The following CNTNAP4 variants were observed in gnomAD, a reference collection of about 807,000 sequenced individuals.
The protein encoded by CNTNAP4 is contactin-associated protein-like 4.
Under a neutral mutation model 148.4 loss-of-function variants are expected in CNTNAP4, and 98 were observed. That is an observed-to-expected ratio of 0.66 (90% CI 0.56 to 0.78). CNTNAP4 has a LOEUF of 0.78. CNTNAP4 is among the 30% of genes least tolerant of loss of function. CNTNAP4 has a pLI of 0.00. For missense variants in CNTNAP4, 1,935 were observed against 1,565.6 expected, an observed-to-expected ratio of 1.24 and a Z score of -3.98; for synonymous variants, 730 against 565.1, an observed-to-expected ratio of 1.29 and a Z score of -4.14.
At chr16:76,432,400 T>C (rs905085711) in intron 4 of CNTNAP4, 1 of 152,192 alleles carries the variant, frequency 6.6e-6, no homozygotes, top group African/African-American at 2.4e-5. Context: ...AACTTGAAGT[T>C]GTTTCCTGAG....
intron 4 of CNTNAP4, among the ~76,000 whole-genome samples, chr16:76,442,978 G>T (rs1164483749): frequency 2.0e-5 from 3 of 152,042 alleles, no homozygotes; most frequent in Non-Finnish European, 4.4e-5. Flanking sequence ...GCTGAAAAGG[G>T]GGCTAGACTA....
chr16:76,516,530 C>T (rs749534342), intron 15 of CNTNAP4, among the ~76,000 whole-genome samples: 4 of 152,212 alleles, frequency 2.6e-5, no homozygotes, highest in Non-Finnish European at 5.9e-5. Flanking sequence ...TTGCAACTCT[C>T]ATACAATCCA....
intron 2 of CNTNAP4, among the ~76,000 whole-genome samples, chr16:76,343,524 A>T (rs1964658377): frequency 6.6e-6 from 1 of 152,188 alleles, no homozygotes; most frequent in Non-Finnish European, 1.5e-5. Flanking sequence ...AATAACTAGT[A>T]GCATGTAATC....
At chr16:76,540,043 G>A (rs559423805) in intron 20 of CNTNAP4, among the ~76,000 whole-genome samples, 191 bp downstream of exon 20, 4 of 152,056 alleles carry the variant, frequency 2.6e-5, no homozygotes, top group African/African-American at 9.6e-5. Flanking sequence ...TATTAACATC[G>A]GATACTTTAA....
chr16:76,425,030 C>A (rs1211676015), intron 3 of CNTNAP4, among the ~76,000 whole-genome samples: 1 of 152,118 alleles, frequency 6.6e-6, no homozygotes, highest in African/African-American at 2.4e-5. Flanking sequence ...TAGAAAACAG[C>A]TAACCTTTCT....
At chr16:76,293,134 T>C (rs112705285) in intron 1 of CNTNAP4, among the ~76,000 whole-genome samples, 2,281 of 152,148 alleles carry the variant, frequency 0.015, 63 homozygotes, top group Admixed American at 0.055. Context: ...TTCTTTCTTT[T>C]TTTTTTTCTT....
In CNTNAP4 at chr16:76,319,769, C is replaced by T. The variant is rs576265858; in HGVS notation, c.196+3246C>T. Among the ~76,000 whole-genome samples the T allele has an allele frequency of 1.5e-4, 23 of 152,204 alleles. No homozygotes were observed. The South Asian group carries it at 3.5e-3, about 23-fold the overall frequency. On this transcript the variant is annotated intron_variant, in intron 2 of 23. Coordinates refer to ENST00000611870, the MANE Select transcript of CNTNAP4 (RefSeq NM_033401.5). The stretch of plus-strand genomic sequence containing the variant: ...AATGCGAAGGATTGCCAGCAACCAT[C>T]AGAAGTTAGAAAGAAAGAAAGAGGG...
intron 3 of CNTNAP4, among the ~76,000 whole-genome samples, chr16:76,403,676 C>T (rs1245084933): frequency 1.3e-5 from 2 of 152,132 alleles, no homozygotes; most frequent in African/African-American, 4.8e-5. Context: ...CACCATTTGG[C>T]CCAACAATCC....
rs1307751831 is a variant in CNTNAP4 at position 76,539,832 on chromosome 16, G to A, written c.3334G>A (p.Glu1112Lys). 2 of 1,596,608 alleles carry A rather than the reference G, an allele frequency of 1.3e-6. No individual in the cohort carries two copies. Among genetic ancestry groups the A allele is most frequent in the African/African-American group, 1.4e-5 (1 of 73,778 alleles). The change falls in exon 20 of 24, where the codon GAA becomes AAA. Residue 1112 changes from glutamate to lysine, a missense_variant. Physicochemically the swap from Glu to Lys is moderately conservative, Grantham distance 56. Coordinates refer to ENST00000611870, the MANE Select transcript of CNTNAP4 (RefSeq NM_033401.5). The stretch of plus-strand genomic sequence containing the variant: ...TCACCACATAATGATTAACAGAGAA[G>A]AAGGAGTGGTCTTTATAGAGGTAAT... ...QLHHIMINRE[E>K]GVVFIEIDDN... is the part of the protein sequence containing the mutation.
intron 3 of CNTNAP4, among the ~76,000 whole-genome samples, chr16:76,382,415 C>T (rs2016072382): frequency 6.6e-6 from 1 of 152,098 alleles, no homozygotes; most frequent in African/African-American, 2.4e-5. Flanking sequence ...TTTCAATGAT[C>T]ACATCTTGCT....
rs369020116 is a variant in CNTNAP4, at chr16:76,540,686, G to T, written c.3355-17G>T. On this transcript the variant is annotated splice_polypyrimidine_tract_variant and intron_variant, in intron 20 of 23. Transcript: ENST00000611870. Reference sequence around the variant, plus strand: ...TCATCCATTTGGATGTTTTTATCTTGTGTAATAATTTTGTAGATTGACGAT... The same window carrying T: ...TCATCCATTTGGATGTTTTTATCTTTTGTAATAATTTTGTAGATTGACGAT... 21 of 1,528,510 alleles carry T rather than the reference G, an allele frequency of 1.4e-5. 1 individual carries two copies. The highest frequency in any genetic ancestry group is 2.7e-5 in the African/African-American group (2 of 72,908). The allele number at this position is 1,528,510 out of a possible 1,614,324, so 94.7% of individuals were successfully genotyped here. A position where few individuals can be genotyped will look rare whatever the true frequency, so the allele number is the denominator to read the frequency against.
At chr16:76,398,996 G>A (rs28624893) in intron 3 of CNTNAP4, among the ~76,000 whole-genome samples, 1 of 152,014 alleles carries the variant, frequency 6.6e-6, no homozygotes, top group African/African-American at 2.4e-5. Flanking sequence ...CTGTTCTTGT[G>A]GTAGTGAATA....
At chr16:76,400,130 C>T (rs552617047) in intron 3 of CNTNAP4, among the ~76,000 whole-genome samples, 2 of 152,132 alleles carry the variant, frequency 1.3e-5, no homozygotes, top group East Asian at 1.9e-4. Context: ...TGATCTGGAC[C>T]GTCTGGGTAT....
chr16:76,518,509 T>G (rs1224036761), intron 15 of CNTNAP4, among the ~76,000 whole-genome samples: 1 of 152,168 alleles, frequency 6.6e-6, no homozygotes, highest in Non-Finnish European at 1.5e-5. Context: ...TATTTTTACT[T>G]TTTTATGATT....
intron 3 of CNTNAP4, among the ~76,000 whole-genome samples, chr16:76,415,649 C>T (rs1422781613): frequency 7.1e-6 from 1 of 141,096 alleles, no homozygotes; most frequent in Non-Finnish European, 1.6e-5. Flanking sequence ...TGTTTAACCC[C>T]ACAAAGAGGA....
intron 2 of CNTNAP4, among the ~76,000 whole-genome samples, chr16:76,350,270 G>C (rs1024532938): frequency 1.3e-5 from 2 of 152,078 alleles, no homozygotes; most frequent in African/African-American, 4.8e-5. Flanking sequence ...TTAAAAATAA[G>C]TAATTTCTCA....
At chr16:76,381,027 T>C (rs2015912384) in intron 3 of CNTNAP4, among the ~76,000 whole-genome samples, 1 of 152,236 alleles carries the variant, frequency 6.6e-6, no homozygotes, top group Non-Finnish European at 1.5e-5. Flanking sequence ...AAGTTTTTTC[T>C]CCATACCTTT....
rs779827280 is a variant in CNTNAP4 at position 76,489,681 on chromosome 16, A to G, written c.1883-5A>G. The stretch of plus-strand genomic sequence containing the variant: ...TCTCTTTCTCCCCCCATTTCTGCAT[A>G]CAAGAAACTGCATGGACCATCATAC... On this transcript the variant is annotated splice_region_variant and splice_polypyrimidine_tract_variant and intron_variant, in intron 12 of 23. Transcript: ENST00000611870. The G allele has an allele frequency of 4.6e-6, 7 of 1,525,298 alleles. No individual in the cohort carries two copies. Among genetic ancestry groups the G allele is most frequent in the East Asian group, 4.7e-5 (2 of 42,916 alleles). 94.5% of individuals were successfully genotyped at this position (1,525,298 alleles called of 1,614,324 possible). A position where few individuals can be genotyped will look rare whatever the true frequency, so the allele number is the denominator to read the frequency against.
chr16:76,316,466 T>G lies in CNTNAP4; in HGVS notation c.139T>G (p.Ser47Ala). ...CTTGCCTCAGGCATCCTTCAGCAGT[T>G]CTTCCGAGCTCTCCAGCAGTCATGG... ...SALPQASFSS[S>A]SELSSSHGPG... The change falls in exon 2 of 24, where the codon TCT becomes GCT. Residue 47 changes from serine to alanine, a missense_variant. Coordinates refer to ENST00000611870, the MANE Select transcript of CNTNAP4 (RefSeq NM_033401.5). The G allele has an allele frequency of 6.2e-7, 1 of 1,613,940 alleles. No individual in the cohort carries two copies. The highest frequency in any genetic ancestry group is 8.5e-7 in the Non-Finnish European group (1 of 1,179,848).
Sources: gnomAD v4.1 joint callset for allele counts (sites outside exome capture counted in the v4.1 genomes callset) on GRCh38, gnomAD v4.1.1 for gene constraint, MANE v1.5 for transcripts, NCBI Gene and HGNC (gene_info 2026-07-23, HGNC 2026-07-21) for gene names.